Variants in EFEMP1 observed in about 807,000 individuals in gnomAD.
The protein encoded by EFEMP1 is EGF-containing fibulin-like extracellular matrix protein 1.
EFEMP1 carries 18 observed loss-of-function variants against 65.7 expected under a neutral mutation model. The observed-to-expected ratio is 0.27, with a 90% CI of 0.19 to 0.41. EFEMP1 has a LOEUF of 0.41. Among genes scored for constraint, EFEMP1 ranks in the 10% least tolerant of loss-of-function variants. The pLI is 1.00. For missense variants in EFEMP1, 469 were observed against 624.8 expected, an observed-to-expected ratio of 0.75 and a Z score of 2.66; for synonymous variants, 237 against 219.7, an observed-to-expected ratio of 1.08 and a Z score of -0.70.
chr2:55,923,603 C>A lies in EFEMP1; in HGVS notation c.-49+108G>T. ...CCGAGACACCCTGCACAGTCCAGGG[C>A]AGTTCTCGGGTACTCAACACCCCTC... is the stretch of plus-strand genomic sequence containing the variant. On this transcript the variant is annotated intron_variant, in intron 1 of 11. Coordinates refer to ENST00000355426, the MANE Select transcript of EFEMP1 (RefSeq NM_001039348.3). This position sits in a 1 kb window ranked among gnomAD's most constrained non-coding sequence, Gnocchi z 5.3. The A allele has an allele frequency of 3.0e-6, 3 of 985,618 alleles. No homozygotes were observed. Among genetic ancestry groups the A allele is most frequent in the Non-Finnish European group, 3.6e-6 (3 of 830,124 alleles). 61.1% of individuals were successfully genotyped at this position (985,618 alleles called of 1,614,324 possible). A position where few individuals can be genotyped will look rare whatever the true frequency, so the allele number is the denominator to read the frequency against.
At chr2:55,884,807 C>T (rs1669366370) in intron 5 of EFEMP1, among the ~76,000 whole-genome samples, 1 of 152,066 alleles carries the variant, frequency 6.6e-6, no homozygotes, top group African/African-American at 2.4e-5. Context: ...AATAAATTTC[C>T]TGGGACCTGG....
chr2:55,918,037 C>A lies in EFEMP1; in HGVS notation c.145G>T (p.Asp49Tyr). ...RQQCKDIDEC[D>Y]IVPDACKGGM... ...CCTTTACAAGCGTCTGGGACAATGTCACATTCATCAATATCTGTGGTCAGT... is the reference window on the plus strand; with the variant it reads ...CCTTTACAAGCGTCTGGGACAATGTAACATTCATCAATATCTGTGGTCAGT... Residue 49 changes from aspartate (D) to tyrosine (Y), a missense_variant, in exon 5 of 12, where the codon GAC (aspartate) becomes TAC (tyrosine). Physicochemically the swap from Asp to Tyr is radical, Grantham distance 160 (BLOSUM62 -3). Coordinates refer to ENST00000355426, the MANE Select transcript of EFEMP1 (RefSeq NM_001039348.3). 1 of 1,614,172 alleles carries A rather than the reference C, an allele frequency of 6.2e-7. No individual in the cohort carries two copies. Among genetic ancestry groups the A allele is most frequent in the South Asian group, 1.1e-5 (1 of 91,046 alleles).
Position 55,917,798 on chromosome 2 carries a change from A to G in EFEMP1, c.384T>C (p.Pro128=). 2 of 1,614,206 alleles carry G rather than the reference A, an allele frequency of 1.2e-6. No individual in the cohort carries two copies. The highest frequency in any genetic ancestry group is 1.7e-6 in the Non-Finnish European group (2 of 1,180,040). The change falls in exon 5 of 12, where the codon CCT becomes CCC. Residue 128 remains proline (P), a synonymous_variant. Coordinates refer to ENST00000355426, the MANE Select transcript of EFEMP1 (RefSeq NM_001039348.3). The surrounding 1 kb of genome is among the most constrained non-coding windows in gnomAD (Gnocchi z 6.3). ...FVASAAAVAG[P]EMQTGRNNFV... is the part of the protein sequence containing the mutation. Reference sequence around the variant, plus strand: ...AGTTATTTCGGCCAGTCTGCATTTCAGGGCCTGCGACTGCAGCAGCACTGG... The same window carrying G: ...AGTTATTTCGGCCAGTCTGCATTTCGGGGCCTGCGACTGCAGCAGCACTGG...
rs147144490 is a variant in EFEMP1 at position 55,918,472 on chromosome 2, T to C, written c.82-205A>G. Among the ~76,000 whole-genome samples, 57 of 152,298 alleles carry C rather than the reference T, an allele frequency of 3.7e-4. 1 individual carries two copies. Among genetic ancestry groups the C allele is most frequent in the Middle Eastern group, 3.4e-3 (1 of 294 alleles). On this transcript the variant is annotated intron_variant, in intron 3 of 11. Transcript: ENST00000355426. ...ATTGGACAGCTTCGGGGGTCCATTCTCAACCATCAGCTGCCTAAACTCTTC... is the reference window on the plus strand; with the variant it reads ...ATTGGACAGCTTCGGGGGTCCATTCCCAACCATCAGCTGCCTAAACTCTTC...
At chr2:55,894,005 A>G (rs969331938) in intron 5 of EFEMP1, among the ~76,000 whole-genome samples, 1 of 152,224 alleles carries the variant, frequency 6.6e-6, no homozygotes. Context: ...CAAACAAAAC[A>G]AAATCTGTCA....
In EFEMP1 at chr2:55,870,467, T is replaced by A. The variant is rs1432757174; in HGVS notation, c.1320+253A>T. Among the ~76,000 whole-genome samples the A allele has an allele frequency of 6.6e-6, 1 of 152,142 alleles. No individual in the cohort carries two copies. Among genetic ancestry groups the A allele is most frequent in the Non-Finnish European group, 1.5e-5 (1 of 68,022 alleles). ...AATATTTGAGTGATTTCAGGGATGCTACTTAATCTTTCTGCATCTCACTTT... is the reference window on the plus strand; with the variant it reads ...AATATTTGAGTGATTTCAGGGATGCAACTTAATCTTTCTGCATCTCACTTT... On this transcript the variant is annotated intron_variant, in intron 11 of 11. Transcript: ENST00000355426. This position sits in a 1 kb window ranked among gnomAD's most constrained non-coding sequence, Gnocchi z 5.8.
At position 55,884,209 on chromosome 2, in the gene EFEMP1, A is replaced by G. The variant is rs149465893; in HGVS notation, c.518-2475T>C. ...ACTGAATTTCTTTGACCTATTTTCA[A>G]TTACGTTAATGTCAATTTATTAGTT... On this transcript the variant is annotated intron_variant, in intron 5 of 11. Transcript: ENST00000355426. Among the ~76,000 whole-genome samples the G allele has an allele frequency of 5.3e-5, 8 of 152,330 alleles. No individual in the cohort carries two copies. In the East Asian group the frequency reaches 7.7e-4, roughly 15 times the overall value.
intron 5 of EFEMP1, among the ~76,000 whole-genome samples, chr2:55,909,374 C>T (rs936686489): frequency 6.6e-6 from 1 of 152,208 alleles, no homozygotes; most frequent in East Asian, 1.9e-4. Flanking sequence ...GATGTTTGCT[C>T]TGCAAAGTGG....
intron 5 of EFEMP1, among the ~76,000 whole-genome samples, chr2:55,914,037 A>G (rs1297809608): frequency 6.6e-6 from 1 of 152,202 alleles, no homozygotes. Flanking sequence ...AGACTATGCA[A>G]TAAAGGTGTA....
chr2:55,908,107 C>T (rs1670350119), intron 5 of EFEMP1, among the ~76,000 whole-genome samples: 1 of 152,166 alleles, frequency 6.6e-6, no homozygotes, highest in Non-Finnish European at 1.5e-5. Context: ...AGCTTCTCTA[C>T]TTTGGGACAA....
rs1668753059 is a variant in EFEMP1 at position 55,870,300 on chromosome 2, A to G, written c.1320+420T>C. 1.4e-5 allele frequency among the ~76,000 whole-genome samples: 2 copies of G among 141,492 alleles called. No homozygotes were observed. Among genetic ancestry groups the G allele is most frequent in the South Asian group, 2.2e-4 (1 of 4,448 alleles). The allele number at this position is 141,492 out of a possible 152,430, so 92.8% of individuals were successfully genotyped here. On this transcript the variant is annotated intron_variant, in intron 11 of 11. Transcript: ENST00000355426. The surrounding 1 kb of genome is among the most constrained non-coding windows in gnomAD (Gnocchi z 5.8). ...AGGAATTATTTTGGGTTTGAATTATATGTATGTCTATGTATAATTAATTAA... is the reference window on the plus strand; with the variant it reads ...AGGAATTATTTTGGGTTTGAATTATGTGTATGTCTATGTATAATTAATTAA...
chr2:55,890,678 A>G (rs1367170655), intron 5 of EFEMP1, among the ~76,000 whole-genome samples: 3 of 152,168 alleles, frequency 2.0e-5, no homozygotes, highest in Non-Finnish European at 4.4e-5. Context: ...TTGGAAAATT[A>G]GACATACTTC....
rs1405078667 is a variant in EFEMP1 at position 55,866,216 on chromosome 2, T to A, written c.*857A>T. The A allele has an allele frequency of 6.6e-6, 1 of 152,196 alleles. No homozygotes were observed. The highest frequency in any genetic ancestry group is 1.9e-4 in the East Asian group (1 of 5,190). 9.4% of individuals were successfully genotyped at this position (152,196 alleles called of 1,614,324 possible). On this transcript the variant is annotated 3_prime_UTR_variant, in exon 12 of 12. Coordinates refer to ENST00000355426, the MANE Select transcript of EFEMP1 (RefSeq NM_001039348.3). ...GAAGTGTTAGGATTTAAATTTTACT[T>A]AGAAATTAAAACTTCTCCAGTGAAA... is the stretch of plus-strand genomic sequence containing the variant.
chr2:55,923,719 C>T lies in EFEMP1; in HGVS notation c.-57G>A. 1.0e-6 allele frequency: 1 copy of T among 985,750 alleles called. No homozygotes were observed. Among genetic ancestry groups the T allele is most frequent in the Non-Finnish European group, 1.2e-6 (1 of 830,222 alleles). 61.1% of individuals were successfully genotyped at this position (985,750 alleles called of 1,614,324 possible). On this transcript the variant is annotated 5_prime_UTR_variant, in exon 1 of 12. Transcript: ENST00000355426. This position sits in a 1 kb window ranked among gnomAD's most constrained non-coding sequence, Gnocchi z 5.3. ...CCGTTGGGGGCTCCTACCTGTGCGGCCGCGCTGCGCTCCGGGCCCGGGCAG... is the reference window on the plus strand; with the variant it reads ...CCGTTGGGGGCTCCTACCTGTGCGGTCGCGCTGCGCTCCGGGCCCGGGCAG...
rs769194862 is a variant in EFEMP1 at position 55,922,344 on chromosome 2, T to G, written c.81+16A>C. On this transcript the variant is annotated intron_variant, in intron 3 of 11. Transcript: ENST00000355426. This position sits in a 1 kb window ranked among gnomAD's most constrained non-coding sequence, Gnocchi z 5.5. The stretch of plus-strand genomic sequence containing the variant: ...CCCGCTGAACCGTACTTATTTCAAA[T>G]TCCATCACCCCTTACCGTGTACGTG... 6.2e-7 allele frequency: 1 copy of G among 1,612,310 alleles called. No individual in the cohort carries two copies. Among genetic ancestry groups the G allele is most frequent in the South Asian group, 1.1e-5 (1 of 91,034 alleles).
At chr2:55,889,488 T>C (rs1669552114) in intron 5 of EFEMP1, among the ~76,000 whole-genome samples, 1 of 152,230 alleles carries the variant, frequency 6.6e-6, no homozygotes, top group Non-Finnish European at 1.5e-5. Context: ...TTTCTCCATA[T>C]GCCTCAGGGC....
Position 55,881,534 on chromosome 2 carries a change from G to T in EFEMP1, c.640+78C>A, listed in dbSNP as rs1365338137. The T allele has an allele frequency of 3.2e-6, 5 of 1,575,796 alleles. No individual in the cohort carries two copies. In the Admixed American group the frequency reaches 5.0e-5, roughly 16 times the overall value. ...TACCACTCTCCAAAGAAACATGAAT[G>T]CTTTGATTGGAATGCTTGAGGTTGA... On this transcript the variant is annotated intron_variant, in intron 6 of 11. Transcript: ENST00000355426.
chr2:55,885,614 G>T lies in EFEMP1; in HGVS notation c.518-3880C>A, dbSNP rs1296429695. On this transcript the variant is annotated intron_variant, in intron 5 of 11. Transcript: ENST00000355426. This position sits in a 1 kb window ranked among gnomAD's most constrained non-coding sequence, Gnocchi z 4.3. ...TCATTTTTCAAAAATGTGCCCACGT[G>T]CTCCCTCCTAGTGATTTATACTATT... Among the ~76,000 whole-genome samples, 1 of 152,108 alleles carries T rather than the reference G, an allele frequency of 6.6e-6. No individual in the cohort carries two copies.
intron 5 of EFEMP1, among the ~76,000 whole-genome samples, chr2:55,888,974 G>A (rs573653328): frequency 1.2e-4 from 18 of 152,156 alleles, no homozygotes; most frequent in South Asian, 6.2e-4. Context: ...CCCCGGCTCC[G>A]GCTCAAACAC....
Sources: allele counts gnomAD v4.1 joint callset (sites outside exome capture counted in the v4.1 genomes callset), GRCh38; gene constraint gnomAD v4.1.1; non-coding constraint Gnocchi (gnomAD v3.1); transcripts MANE v1.5; gene names NCBI Gene and HGNC (gene_info 2026-07-23, HGNC 2026-07-21).